The following SLC44A4 variants were observed in gnomAD, a reference collection of about 807,000 sequenced individuals.
The protein encoded by SLC44A4 is choline transporter-like protein 4.
SLC44A4 carries 74 observed loss-of-function variants against 97.0 expected under a neutral mutation model. The ratio of observed to expected loss-of-function variants is 0.76; its 90% confidence interval spans 0.63 to 0.93. The LOEUF (loss-of-function observed/expected upper bound fraction) is 0.93, where lower values mean the gene tolerates loss of function less well. SLC44A4 is among the 40% of genes least tolerant of loss of function. The probability of loss-of-function intolerance (pLI) is 0.00; values close to 1 mark genes in which losing one functional copy is unlikely to be tolerated. For missense variants in SLC44A4, 799 were observed against 902.9 expected (o/e 0.88, Z 1.48); for synonymous variants, 325 against 363.8 (o/e 0.89, Z 1.21).
At position 31,863,654 on chromosome 6, in the gene SLC44A4, G is replaced by T. The variant is rs1380801897; in HGVS notation, c.2106C>A (p.Pro702=). The change falls in exon 21 of 21, where the codon CCC becomes CCA. Residue 702 remains proline (P), a synonymous_variant. Transcript: ENST00000229729. ...ACTTCTTCCTCTTCTTGTTGTCCGG[G>T]GGCGCCTCGTTCTTCTTGCCCAGAA... ...LKILGKKNEA[P]PDNKKRKK The T allele has an allele frequency of 1.2e-6, 2 of 1,612,006 alleles. No homozygotes were observed. Among genetic ancestry groups the T allele is most frequent in the Non-Finnish European group, 1.7e-6 (2 of 1,179,734 alleles).
At position 31,874,826 on chromosome 6, in the gene SLC44A4, C is replaced by T. The variant is rs376902960; in HGVS notation, c.363G>A (p.Pro121=). The part of the protein sequence containing the change: ...PTPQVCVSSC[P]EDPWTVGKNE... ...TTTTTCCCACAGTCCATGGGTCCTC[C>T]GGGCAGGAGGACACACACACCTGGG... The change falls in exon 6 of 21, where the codon CCG becomes CCA. Residue 121 remains proline (P), a synonymous_variant. Transcript: ENST00000229729. This position sits in a 1 kb window ranked among gnomAD's most constrained non-coding sequence, Gnocchi z 4.8. The T allele has an allele frequency of 2.2e-5, 35 of 1,612,760 alleles. No individual in the cohort carries two copies. The highest frequency in any genetic ancestry group is 6.7e-5 in the Admixed American group (4 of 59,726).
chr6:31,865,891 G>A lies in SLC44A4; in HGVS notation c.1469C>T (p.Ala490Val). The A allele has an allele frequency of 6.2e-7, 1 of 1,614,208 alleles. No homozygotes were observed. The highest frequency in any genetic ancestry group is 8.5e-7 in the Non-Finnish European group (1 of 1,180,040). ...TCCTTACCGGAGTGTGCGGATGAAG[G>A]CAGAGATTAAGGGGAAGGTAGGGAT... ...QDIPTFPLIS[A>V]FIRTLRYHTG... Residue 490 changes from alanine (A) to valine (V), a missense_variant, in exon 14 of 21, where the codon GCC (alanine) becomes GTC (valine). Ala to Val is a moderately conservative substitution (Grantham distance 64, BLOSUM62 0). Around this residue, in one of 3 missense-constraint regions of SLC44A4, gnomAD observed 379 missense variants for 438.3 expected, o/e 0.86. Coordinates refer to ENST00000229729, the MANE Select transcript of SLC44A4 (RefSeq NM_025257.3). This position sits in a 1 kb window ranked among gnomAD's most constrained non-coding sequence, Gnocchi z 5.2.
chr6:31,871,078 G>A, intron 9 of SLC44A4, 31 bp from the exon 10 acceptor site: 1 of 1,563,940 alleles, frequency 6.4e-7, no homozygotes. Flanking sequence ...GTGAGGTTCA[G>A]CCCTAGCCCC....
intron 7 of SLC44A4, among the ~76,000 whole-genome samples, chr6:31,873,350 G>C (rs1195385154): frequency 6.6e-6 from 1 of 151,332 alleles, no homozygotes; most frequent in Non-Finnish European, 1.5e-5. Flanking sequence ...GCCCAGCTAA[G>C]TTTTGTATTT....
chr6:31,865,723 C>T lies in SLC44A4; in HGVS notation c.1549G>A (p.Val517Ile). Residue 517 changes from valine (V) to isoleucine (I), a missense_variant, in exon 15 of 21, where the codon GTC becomes ATC. Coordinates refer to ENST00000229729, the MANE Select transcript of SLC44A4 (RefSeq NM_025257.3). This position sits in a 1 kb window ranked among gnomAD's most constrained non-coding sequence, Gnocchi z 5.2. Reference sequence around the variant, plus strand: ...TTGTGGTCAATATACTCCAAGATGACCCGGGCTATCTGCACAAGGGTCAGG... The same window carrying T: ...TTGTGGTCAATATACTCCAAGATGATCCGGGCTATCTGCACAAGGGTCAGG... ...LILTLVQIAR[V>I]ILEYIDHKLR... 6.2e-7 allele frequency: 1 copy of T among 1,613,558 alleles called. No individual in the cohort carries two copies. Among genetic ancestry groups the T allele is most frequent in the Non-Finnish European group, 8.5e-7 (1 of 1,179,970 alleles).
intron 7 of SLC44A4, among the ~76,000 whole-genome samples, chr6:31,873,798 G>A (rs1763300380): frequency 6.6e-6 from 1 of 152,032 alleles, no homozygotes; most frequent in Non-Finnish European, 1.5e-5. Flanking sequence ...GTGCAGGCTG[G>A]GCGTGGTGGC....
chr6:31,875,731 G>A, intron 4 of SLC44A4, 121 bp downstream of exon 4: 1 of 858,148 alleles, frequency 1.2e-6, no homozygotes, highest in Non-Finnish European at 1.8e-6. Context: ...AGGTGGGGTG[G>A]GGACAGCAGG....
Position 31,865,825 on chromosome 6 carries a change from C to G in SLC44A4, c.1488-41G>C. ...TGCAGTCAGAGACAGCTCCAGGACC[C>G]CTGGGGCCCCCGTGCCTACAATGAC... On this transcript the variant is annotated intron_variant, in intron 14 of 20. Coordinates refer to ENST00000229729, the MANE Select transcript of SLC44A4 (RefSeq NM_025257.3). This position sits in a 1 kb window ranked among gnomAD's most constrained non-coding sequence, Gnocchi z 5.2. 1 of 1,613,926 alleles carries G rather than the reference C, an allele frequency of 6.2e-7. No individual in the cohort carries two copies. The highest frequency in any genetic ancestry group is 8.5e-7 in the Non-Finnish European group (1 of 1,179,876).
intron 7 of SLC44A4, among the ~76,000 whole-genome samples, chr6:31,873,021 T>G (rs542524972): frequency 6.6e-6 from 1 of 152,100 alleles, no homozygotes; most frequent in Admixed American, 6.6e-5. Flanking sequence ...GGATTTCAGG[T>G]GCCCACCACC....
chr6:31,874,938 G>A lies in SLC44A4; in HGVS notation c.333C>T (p.Pro111=). Residue 111 remains proline, a synonymous_variant, in exon 5 of 21, where the codon CCC becomes CCT. Transcript: ENST00000229729. This position sits in a 1 kb window ranked among gnomAD's most constrained non-coding sequence, Gnocchi z 4.8. ...GGTCCCAGGCTCTGACCTGGGGTGT[G>A]GGGCACTGTAGGCCGTTCTCAGCAA... The part of the protein sequence containing the change: ...ISVAENGLQC[P]TPQVCVSSCP... 1 of 1,613,860 alleles carries A rather than the reference G, an allele frequency of 6.2e-7. No homozygotes were observed. The highest frequency in any genetic ancestry group is 8.5e-7 in the Non-Finnish European group (1 of 1,179,984).
At position 31,877,225 on chromosome 6, in the gene SLC44A4, A is replaced by ACTGGGGAGCAGGAAAGGTAGGATC. The variant is rs1432384559; in HGVS notation, c.41-167_41-144dup. The ACTGGGGAGCAGGAAAGGTAGGATC allele has an allele frequency of 2.5e-6, 2 of 810,732 alleles. No homozygotes were observed. Among genetic ancestry groups the ACTGGGGAGCAGGAAAGGTAGGATC allele is most frequent in the Non-Finnish European group, 3.9e-6 (2 of 510,916 alleles). 50.2% of individuals were successfully genotyped at this position (810,732 alleles called of 1,614,324 possible). On this transcript the variant is annotated intron_variant, in intron 1 of 20. Coordinates refer to ENST00000229729, the MANE Select transcript of SLC44A4 (RefSeq NM_025257.3). The surrounding 1 kb of genome is among the most constrained non-coding windows in gnomAD (Gnocchi z 6.5). ...AGGGCAGGACTGGCAGGAGGGGAAA[A>ACTGGGGAGCAGGAAAGGTAGGATC]CTGGGGAGCAGGAAAGGTAGGATCC...
Position 31,866,054 on chromosome 6 carries a change from G to C in SLC44A4, c.1306C>G (p.Gln436Glu). 1 of 1,614,196 alleles carries C rather than the reference G, an allele frequency of 6.2e-7. No individual in the cohort carries two copies. Among genetic ancestry groups the C allele is most frequent in the African/African-American group, 1.3e-5 (1 of 75,048 alleles). The change falls in exon 14 of 21, where the codon CAA (glutamine) becomes GAA (glutamate). Residue 436 changes from glutamine (Q) to glutamate (E), a missense_variant. By Grantham distance (29) the Gln-to-Glu change is conservative. This residue lies in a region of SLC44A4 where 379 missense variants were observed against 438.3 expected (regional missense o/e 0.86). Transcript: ENST00000229729. The stretch of plus-strand genomic sequence containing the variant: ...ATTTGCAGATTGAAGACAGAACGTT[G>C]GATTAGGCCTTTGGATGAGTAGCCC... Reference protein sequence around the residue: ...FQGYSSKGLIQRSVFNLQIYG... With the variant: ...FQGYSSKGLIERSVFNLQIYG...
rs1763327323 is a variant in SLC44A4 at position 31,874,337 on chromosome 6, G to A, written c.529+123C>T. 5 of 1,043,324 alleles carry A rather than the reference G, an allele frequency of 4.8e-6. No individual in the cohort carries two copies. The highest frequency in any genetic ancestry group is 5.0e-5 in the East Asian group (2 of 39,974). The allele number at this position is 1,043,324 out of a possible 1,614,324, so 64.6% of individuals were successfully genotyped here. A position where few individuals can be genotyped will look rare whatever the true frequency, so the allele number is the denominator to read the frequency against. On this transcript the variant is annotated intron_variant, in intron 7 of 20. Coordinates refer to ENST00000229729, the MANE Select transcript of SLC44A4 (RefSeq NM_025257.3). This position sits in a 1 kb window ranked among gnomAD's most constrained non-coding sequence, Gnocchi z 4.8. The stretch of plus-strand genomic sequence containing the variant: ...ACAAAGAGCAAAATGAAGACCTGAT[G>A]CTAATTCCAATTTTGCCACCAACAA...
intron 4 of SLC44A4, 124 bp from the exon 5 acceptor site, chr6:31,875,152 T>A: frequency 1.4e-6 from 1 of 690,736 alleles, no homozygotes; most frequent in Non-Finnish European, 2.5e-6. Flanking sequence ...ACCAGTCACC[T>A]CCCAGCTCCT....
intron 11 of SLC44A4, among the ~76,000 whole-genome samples, 156 bp downstream of exon 11, chr6:31,870,447 A>T (rs927117783): frequency 7.9e-5 from 12 of 152,112 alleles, no homozygotes; most frequent in African/African-American, 2.9e-4. Flanking sequence ...CATTTTACAG[A>T]TGGGGAAGCA....
intron 4 of SLC44A4, 64 bp from the exon 5 acceptor site, chr6:31,875,092 A>AC (rs879732880): frequency 4.5e-6 from 6 of 1,328,392 alleles, no homozygotes; most frequent in Non-Finnish European, 6.4e-6. Context: ...GGGAGGGACC[A>AC]CTAGGGTGGC....
Position 31,874,917 on chromosome 6 carries a change from C to T in SLC44A4, c.342+12G>A. 1 of 1,613,872 alleles carries T rather than the reference C, an allele frequency of 6.2e-7. No homozygotes were observed. ...GTGAGATCTGGGGTAGAGGCAGGTC[C>T]CAGGCTCTGACCTGGGGTGTGGGGC... On this transcript the variant is annotated intron_variant, in intron 5 of 20. Transcript: ENST00000229729. The surrounding 1 kb of genome is among the most constrained non-coding windows in gnomAD (Gnocchi z 4.8).
Position 31,865,898 on chromosome 6 carries a change from T to A in SLC44A4, c.1462A>T (p.Ile488Phe), listed in dbSNP as rs200796447. Residue 488 changes from isoleucine (I) to phenylalanine (F), a missense_variant, in exon 14 of 21, where the codon ATC becomes TTC. Physicochemically the swap from Ile to Phe is conservative, Grantham distance 21. Coordinates refer to ENST00000229729, the MANE Select transcript of SLC44A4 (RefSeq NM_025257.3). This position sits in a 1 kb window ranked among gnomAD's most constrained non-coding sequence, Gnocchi z 5.2. ...KPQDIPTFPL[I>F]SAFIRTLRYH... is the part of the protein sequence containing the mutation. ...CGGAGTGTGCGGATGAAGGCAGAGATTAAGGGGAAGGTAGGGATGTCCTGG... is the reference window on the plus strand; with the variant it reads ...CGGAGTGTGCGGATGAAGGCAGAGAATAAGGGGAAGGTAGGGATGTCCTGG... 373 of 1,613,648 alleles carry A rather than the reference T, an allele frequency of 2.3e-4. No homozygotes were observed. The highest frequency in any genetic ancestry group is 3.0e-4 in the Non-Finnish European group (350 of 1,179,954).
At position 31,874,357 on chromosome 6, in the gene SLC44A4, C is replaced by T. The variant is rs529762671; in HGVS notation, c.529+103G>A. The T allele has an allele frequency of 3.8e-5, 51 of 1,351,020 alleles. No homozygotes were observed. The South Asian group carries it at 5.7e-4, about 15-fold the overall frequency. The allele number at this position is 1,351,020 out of a possible 1,614,324, so 83.7% of individuals were successfully genotyped here. ...CTGATGCTAATTCCAATTTTGCCAC[C>T]AACAAGCTATGTGACTTCACTCTCT... On this transcript the variant is annotated intron_variant, in intron 7 of 20. Coordinates refer to ENST00000229729, the MANE Select transcript of SLC44A4 (RefSeq NM_025257.3). The surrounding 1 kb of genome is among the most constrained non-coding windows in gnomAD (Gnocchi z 4.8).
Sources: gnomAD v4.1 joint callset for allele counts (sites outside exome capture counted in the v4.1 genomes callset) on GRCh38, gnomAD v4.1.1 for gene constraint, gnomAD v4.1.1 regional missense constraint, Gnocchi (gnomAD v3.1) non-coding constraint, MANE v1.5 for transcripts, NCBI Gene and HGNC (gene_info 2026-07-23, HGNC 2026-07-21) for gene names.